The following SPATA19 variants were observed in gnomAD, a reference collection of about 807,000 sequenced individuals.
SPATA19 encodes spermatogenesis associated 19, also known as spermatogenesis-associated protein 19, mitochondrial.
Under a neutral mutation model 25.0 loss-of-function variants are expected in SPATA19, and 19 were observed. The observed-to-expected ratio is 0.76, with a 90% confidence interval of 0.53 to 1.11. The LOEUF (loss-of-function observed/expected upper bound fraction) is 1.11. Among genes scored for constraint, SPATA19 ranks in the 50% most tolerant of loss-of-function variants. The pLI is 0.00. For synonymous variants in SPATA19, 64 were observed against 69.3 expected (o/e 0.92, Z 0.38); for missense variants, 222 against 211.4 (o/e 1.05, Z -0.31).
At chr11:133,838,338 T>C (rs967606562), downstream of SPATA19, among the ~76,000 whole-genome samples, 4 of 152,170 alleles carry the variant, frequency 2.6e-5, no homozygotes, top group Non-Finnish European at 5.9e-5. Flanking sequence ...GAATAAAGAA[T>C]GTCTTTGAAG....
chr11:133,842,411 G>A (rs1301376573), intron 5 of SPATA19, 74 bp downstream of exon 5: 2 of 1,183,488 alleles, frequency 1.7e-6, no homozygotes, highest in Non-Finnish European at 2.5e-6. Flanking sequence ...GGTGTGGGCG[G>A]GAAACCCAGC....
At chr11:133,841,882 T>A in intron 6 of SPATA19, 148 bp downstream of exon 6, 1 of 742,806 alleles carries the variant, frequency 1.3e-6, no homozygotes, top group Non-Finnish European at 2.3e-6. Context: ...CAGCCAGCCC[T>A]CCTCTCCCAC....
chr11:133,842,067 C>T lies in SPATA19; in HGVS notation c.476G>A (p.Ser159Asn), dbSNP rs767196090. The stretch of plus-strand genomic sequence containing the variant: ...GCAGTCTGAGGAGGAGGGTCTCATA[C>T]TGAAGTCCTGAGCTGAGACATCTGT... ...RLTDVSAQDFSMRPSSSDC is the reference protein window; with the variant it reads ...RLTDVSAQDFNMRPSSSDC Residue 159 changes from serine (S) to asparagine (N), a missense_variant, in exon 6 of 7, where the codon AGT (serine) becomes AAT (asparagine). Ser to Asn is a conservative substitution (Grantham distance 46, BLOSUM62 1). Transcript: ENST00000299140. 3.7e-6 allele frequency: 6 copies of T among 1,614,044 alleles called. No homozygotes were observed. The highest frequency in any genetic ancestry group is 5.1e-6 in the Non-Finnish European group (6 of 1,180,050).
At chr11:133,844,474 G>A (rs368695297) in intron 3 of SPATA19, 35 bp downstream of exon 3, 22 of 1,613,748 alleles carry the variant, frequency 1.4e-5, no homozygotes, top group African/African-American at 2.7e-5. Context: ...CTCCCTCACC[G>A]CTACTCCCAG....
At position 133,845,114 on chromosome 11, in the gene SPATA19, C is replaced by G; in HGVS notation, c.135+20G>C. Reference sequence around the variant, plus strand: ...CTCTAGCATTTTGGATATCCTGAGTCATAAAGAAATCTTACTCACTTTTTT... The same window carrying G: ...CTCTAGCATTTTGGATATCCTGAGTGATAAAGAAATCTTACTCACTTTTTT... On this transcript the variant is annotated intron_variant, in intron 2 of 6. Transcript: ENST00000299140. The G allele has an allele frequency of 6.2e-7, 1 of 1,609,378 alleles. No homozygotes were observed. The highest frequency in any genetic ancestry group is 8.5e-7 in the Non-Finnish European group (1 of 1,176,230).
intron 3 of SPATA19, 27 bp downstream of exon 3, chr11:133,844,482 C>A (rs767530160): frequency 1.9e-6 from 3 of 1,614,160 alleles, no homozygotes; most frequent in Non-Finnish European, 1.7e-6. Context: ...CCGCTACTCC[C>A]AGGCAAGGTC....
At chr11:133,839,831 C>T (rs1938272902), downstream of SPATA19, among the ~76,000 whole-genome samples, 1 of 151,768 alleles carries the variant, frequency 6.6e-6, no homozygotes, top group South Asian at 2.1e-4. Context: ...AACGGGAAGA[C>T]AAGAAGGAGA....
Position 133,844,409 on chromosome 11 carries a change from C to T in SPATA19, c.268-72G>A, listed in dbSNP as rs539789363. 2.6e-5 allele frequency: 42 copies of T among 1,609,424 alleles called. No individual in the cohort carries two copies. In the African/African-American group the frequency reaches 2.7e-4, roughly 10 times the overall value. ...CAACTGGGCTGGCACAGAGCCCAGA[C>T]GAGCACCTCACCCTTGCCCAGAATC... On this transcript the variant is annotated intron_variant, in intron 3 of 6. Transcript: ENST00000299140.
intron 2 of SPATA19, among the ~76,000 whole-genome samples, 162 bp from the exon 3 acceptor site, chr11:133,844,802 C>T (rs1239467538): frequency 3.3e-5 from 5 of 152,168 alleles, no homozygotes; most frequent in African/African-American, 1.2e-4. Flanking sequence ...AGCTACTTCC[C>T]TGTAAAGTCC....
At chr11:133,840,040 A>C (rs754156902), downstream of SPATA19, among the ~76,000 whole-genome samples, 7 of 152,186 alleles carry the variant, frequency 4.6e-5, no homozygotes, top group Non-Finnish European at 1.0e-4. Context: ...AATCAAAGAC[A>C]AAATTTCTTG....
At position 133,842,410 on chromosome 11, in the gene SPATA19, G is replaced by A. The variant is rs143600351; in HGVS notation, c.437+75C>T. 3,036 of 1,152,522 alleles carry A rather than the reference G, an allele frequency of 2.6e-3. 30 individuals carry two copies. In the African/African-American group the frequency reaches 0.028, roughly 11 times the overall value. 71.4% of individuals were successfully genotyped at this position (1,152,522 alleles called of 1,614,324 possible). A position where few individuals can be genotyped will look rare whatever the true frequency, so the allele number is the denominator to read the frequency against. On this transcript the variant is annotated intron_variant, in intron 5 of 6. Coordinates refer to ENST00000299140, the MANE Select transcript of SPATA19 (RefSeq NM_174927.3). ...AGAGATAGCATTGCTGGGTGTGGGC[G>A]GGAAACCCAGCAGTCACCCCCACCC... is the stretch of plus-strand genomic sequence containing the variant.
At chr11:133,839,708 A>G (rs752274415), downstream of SPATA19, among the ~76,000 whole-genome samples, 27 of 152,122 alleles carry the variant, frequency 1.8e-4, no homozygotes, top group Non-Finnish European at 3.5e-4. Context: ...AAAAAAAGAA[A>G]TGTCAGTAGA....
At chr11:133,844,996 A>T in intron 2 of SPATA19, 138 bp downstream of exon 2, 1 of 765,650 alleles carries the variant, frequency 1.3e-6, no homozygotes, top group Non-Finnish European at 2.1e-6. Flanking sequence ...TGAAGAAATT[A>T]GACTCAAATC....
chr11:133,839,806 G>T (rs1323783274), downstream of SPATA19, among the ~76,000 whole-genome samples: 1 of 152,018 alleles, frequency 6.6e-6, no homozygotes, highest in African/African-American at 2.4e-5. Context: ...ATCTCAAAAG[G>T]TGTCACATAT....
chr11:133,838,745 C>T (rs950592579), downstream of SPATA19, among the ~76,000 whole-genome samples: 30 of 152,286 alleles, frequency 2.0e-4, no homozygotes, highest in African/African-American at 7.2e-4. Flanking sequence ...GAACAGGCAA[C>T]CTACAAAATG....
chr11:133,838,914 A>T (rs10791327), downstream of SPATA19, among the ~76,000 whole-genome samples: 48,749 of 152,090 alleles, frequency 0.32, 8,964 homozygotes, highest in East Asian at 0.6. Flanking sequence ...TATGCAGCCA[A>T]AAAACACATG....
At chr11:133,836,854 G>C (rs554447683), downstream of SPATA19, among the ~76,000 whole-genome samples, 79 of 152,270 alleles carry the variant, frequency 5.2e-4, no homozygotes, top group African/African-American at 1.8e-3. Flanking sequence ...TGCACACACA[G>C]CATAACAAAG....
chr11:133,844,139 A>G (rs1938367193), intron 4 of SPATA19, 107 bp downstream of exon 4: 2 of 903,606 alleles, frequency 2.2e-6, no homozygotes, highest in Non-Finnish European at 3.6e-6. Flanking sequence ...GGAATTTGTC[A>G]GCCAAAGACG....
At chr11:133,836,762 T>G (rs1938219612), downstream of SPATA19, among the ~76,000 whole-genome samples, 1 of 152,242 alleles carries the variant, frequency 6.6e-6, no homozygotes, top group Admixed American at 6.5e-5. Flanking sequence ...AAAATTCATC[T>G]GCCTCATCAA....
Sources: gnomAD v4.1 joint callset for allele counts (sites outside exome capture counted in the v4.1 genomes callset) on GRCh38, gnomAD v4.1.1 for gene constraint, MANE v1.5 for transcripts, NCBI Gene and HGNC (gene_info 2026-07-23, HGNC 2026-07-21) for gene names.